MAPRE3: variants seen among roughly 807,000 people sequenced by gnomAD.
MAPRE3 encodes the protein microtubule associated protein RP/EB family member 3, also known as microtubule-associated protein RP/EB family member 3.
MAPRE3 carries 2 observed loss-of-function variants against 30.5 expected under a neutral mutation model. The observed-to-expected ratio is 0.07, with a 90% CI of 0.03 to 0.21. The LOEUF (loss-of-function observed/expected upper bound fraction) is 0.21, where lower values mean the gene tolerates loss of function less well. Ranked by LOEUF, MAPRE3 falls within the 10% of genes least tolerant of loss-of-function variation. The probability of loss-of-function intolerance (pLI) is 1.00; values close to 1 mark genes in which losing one functional copy is unlikely to be tolerated. For missense variants in MAPRE3, 204 were observed against 351.8 expected, an observed-to-expected ratio of 0.58 and a Z score of 3.36; for synonymous variants, 110 against 127.7, an observed-to-expected ratio of 0.86 and a Z score of 0.93.
chr2:27,005,412 T>C (rs377053086), intron 1 of MAPRE3, among the ~76,000 whole-genome samples: 1 of 152,214 alleles, frequency 6.6e-6, no homozygotes. Flanking sequence ...TTCTCCATCC[T>C]TCCAGTGGCT....
intron 1 of MAPRE3, among the ~76,000 whole-genome samples, chr2:26,998,690 C>A (rs551013615): frequency 8.1e-4 from 123 of 152,296 alleles, no homozygotes; most frequent in Middle Eastern, 3.4e-3. Flanking sequence ...GAAGTATCTC[C>A]ACACAGTATT....
At position 27,020,088 on chromosome 2, in the gene MAPRE3, A is replaced by G. The variant is rs577950223; in HGVS notation, c.-7-2124A>G. Reference sequence around the variant, plus strand: ...CCCACTGCGCAGGTCTGGGGCCACAATTGAGAACCATGGAACAGAGAATGA... The same window carrying G: ...CCCACTGCGCAGGTCTGGGGCCACAGTTGAGAACCATGGAACAGAGAATGA... On this transcript the variant is annotated intron_variant, in intron 1 of 6. Transcript: ENST00000233121. 1.2e-4 allele frequency among the ~76,000 whole-genome samples: 18 copies of G among 152,300 alleles called. No individual in the cohort carries two copies. The South Asian group carries it at 1.4e-3, about 12-fold the overall frequency.
chr2:27,016,607 ATCTCCTG>A (rs1164868652), intron 1 of MAPRE3, among the ~76,000 whole-genome samples: 2 of 151,890 alleles, frequency 1.3e-5, no homozygotes, highest in African/African-American at 4.8e-5. Flanking sequence ...GATGGTCTGG[ATCTCCTG>A]ACCTCATGAT....
At chr2:26,996,432 AG>A (rs1326667047) in intron 1 of MAPRE3, among the ~76,000 whole-genome samples, 2 of 152,156 alleles carry the variant, frequency 1.3e-5, no homozygotes, top group African/African-American at 4.8e-5. Context: ...CTGGGATTAC[AG>A]GTGTGAGCCA....
At chr2:26,995,780 G>GGTGT (rs1276648645) in intron 1 of MAPRE3, among the ~76,000 whole-genome samples, 8,995 of 109,454 alleles carry the variant, frequency 0.082, 719 homozygotes, top group Non-Finnish European at 0.091. Context: ...TTCTAAGAGA[G>GGTGT]GTGTGTGTGT....
At chr2:26,997,193 G>A (rs1256254848) in intron 1 of MAPRE3, among the ~76,000 whole-genome samples, 3 of 152,184 alleles carry the variant, frequency 2.0e-5, no homozygotes, top group African/African-American at 7.2e-5. Context: ...GGATGGGGTA[G>A]AGGGTGGGGG....
chr2:27,020,668 C>G (rs1402847936), intron 1 of MAPRE3, among the ~76,000 whole-genome samples: 1 of 152,204 alleles, frequency 6.6e-6, no homozygotes, highest in Non-Finnish European at 1.5e-5. Context: ...ATATTGGGCA[C>G]TAATTCAAAA....
At chr2:26,992,429 T>G (rs1219415063) in intron 1 of MAPRE3, among the ~76,000 whole-genome samples, 1 of 152,106 alleles carries the variant, frequency 6.6e-6, no homozygotes, top group East Asian at 1.9e-4. Context: ...TTCTCCACAT[T>G]GATCAGGCTG....
intron 1 of MAPRE3, among the ~76,000 whole-genome samples, 157 bp downstream of exon 1, chr2:26,970,959 A>C (rs1572736724): frequency 1.4e-5 from 1 of 73,166 alleles, no homozygotes. Flanking sequence ...AACCCCCTCC[A>C]TCCCTGTCGC....
chr2:26,993,111 T>C (rs1666383343), intron 1 of MAPRE3, among the ~76,000 whole-genome samples: 1 of 152,166 alleles, frequency 6.6e-6, no homozygotes, highest in East Asian at 1.9e-4. Flanking sequence ...GGCTCACCCC[T>C]GTAATCCCAG....
chr2:27,022,532 G>A (rs540183746), intron 2 of MAPRE3, 193 bp downstream of exon 2: 2 of 689,946 alleles, frequency 2.9e-6, no homozygotes, highest in East Asian at 2.8e-5. Flanking sequence ...CCTGGATGGT[G>A]TAGCCTACTA....
intron 1 of MAPRE3, among the ~76,000 whole-genome samples, chr2:26,998,761 A>G (rs901011814): frequency 1.3e-5 from 2 of 152,208 alleles, no homozygotes; most frequent in Non-Finnish European, 1.5e-5. Flanking sequence ...GAGTCAGGAA[A>G]AACTTTCCAG....
At chr2:27,016,468 T>C (rs1666989632) in intron 1 of MAPRE3, among the ~76,000 whole-genome samples, 1 of 147,754 alleles carries the variant, frequency 6.8e-6, no homozygotes, top group South Asian at 2.3e-4. Context: ...CACTGCAAGC[T>C]CCGCCTCCCG....
At chr2:26,996,574 G>A (rs1479126341) in intron 1 of MAPRE3, among the ~76,000 whole-genome samples, 2 of 151,952 alleles carry the variant, frequency 1.3e-5, no homozygotes, top group East Asian at 3.9e-4. Flanking sequence ...AGGCTGAGGC[G>A]GGCAGATCAT....
chr2:26,979,361 G>A (rs1666072307), intron 1 of MAPRE3, among the ~76,000 whole-genome samples: 1 of 152,208 alleles, frequency 6.6e-6, no homozygotes, highest in East Asian at 1.9e-4. Flanking sequence ...CAAGGGGGGA[G>A]GATCACTTGA....
intron 1 of MAPRE3, among the ~76,000 whole-genome samples, chr2:27,000,940 AT>A (rs533764673): frequency 1.2e-4 from 19 of 152,314 alleles, no homozygotes; most frequent in African/African-American, 4.1e-4. Context: ...ATTTTTTAAT[AT>A]TTTTTTCTCA....
chr2:27,008,965 TG>T (rs1176242735), intron 1 of MAPRE3, among the ~76,000 whole-genome samples: 1 of 151,904 alleles, frequency 6.6e-6, no homozygotes, highest in Non-Finnish European at 1.5e-5. Context: ...GGTTACTGGA[TG>T]ATTTCATGTA....
At chr2:26,975,302 G>T (rs1665993567) in intron 1 of MAPRE3, among the ~76,000 whole-genome samples, 1 of 152,176 alleles carries the variant, frequency 6.6e-6, no homozygotes, top group Admixed American at 6.5e-5. Context: ...CGGTGACTTT[G>T]CTAAAATCAG....
chr2:27,023,353 T>C lies in MAPRE3; in HGVS notation c.143T>C (p.Met48Thr). The C allele has an allele frequency of 6.2e-7, 1 of 1,606,710 alleles. No homozygotes were observed. Among genetic ancestry groups the C allele is most frequent in the Non-Finnish European group, 8.5e-7 (1 of 1,173,662 alleles). The change falls in exon 3 of 7, where the codon ATG becomes ACG. Residue 48 changes from methionine to threonine, a missense_variant. Around this residue, in one of 5 missense-constraint regions of MAPRE3, gnomAD observed 101 missense variants for 205.4 expected, o/e 0.49. Transcript: ENST00000233121. ...LCSGAAYCQF[M>T]DMLFPGCVHL... Reference sequence around the variant, plus strand: ...ACAGGGGCAGCCTACTGCCAGTTCATGGACATGCTCTTCCCCGGCTGTGTG... The same window carrying C: ...ACAGGGGCAGCCTACTGCCAGTTCACGGACATGCTCTTCCCCGGCTGTGTG...
Sources: allele counts gnomAD v4.1 joint callset (sites outside exome capture counted in the v4.1 genomes callset), GRCh38; gene constraint gnomAD v4.1.1; regional missense constraint gnomAD v4.1.1; transcripts MANE v1.5; gene names NCBI Gene and HGNC (gene_info 2026-07-23, HGNC 2026-07-21).